Variants in AGMO observed in about 807,000 individuals in gnomAD.
AGMO encodes glyceryl-ether monooxygenase.
A neutral mutation model predicts 60.2 loss-of-function variants in AGMO; 75 were observed. That is an observed-to-expected ratio of 1.25 (90% CI 1.03 to 1.51). The LOEUF (loss-of-function observed/expected upper bound fraction) is 1.51. Among genes scored for constraint, AGMO ranks in the 40% most tolerant of loss-of-function variants. The pLI is 0.00. For missense variants in AGMO, 763 were observed against 525.5 expected (o/e 1.45, Z -4.42); for synonymous variants, 261 against 177.1 (o/e 1.47, Z -3.76).
At chr7:15,142,308 A>T in the AGMO span, among the ~76,000 whole-genome samples, 2 of 152,168 alleles carry the variant, frequency 1.3e-5, no homozygotes, top group African/African-American at 4.8e-5. Flanking sequence ...TTATCTTTCA[A>T]GGTCCAAGTG....
chr7:15,493,565 C>T (rs1006726238), intron 3 of AGMO, among the ~76,000 whole-genome samples: 4 of 151,314 alleles, frequency 2.6e-5, no homozygotes, highest in Admixed American at 6.6e-5. Flanking sequence ...TTAGTAGAGA[C>T]GGGGTTTCAC....
intron 12 of AGMO, among the ~76,000 whole-genome samples, chr7:15,322,445 A>AATATATATATAAATATATATAAATAT (rs1781137634): frequency 9.2e-6 from 1 of 109,284 alleles, no homozygotes; most frequent in Non-Finnish European, 1.8e-5. Context: ...TATATATATA[A>AATATATATATAAATATATATAAATAT]ATATATATAT....
chr7:15,303,569 G>A lies in AGMO; in HGVS notation c.1263+61945C>T, dbSNP rs77020625. 7.3e-3 allele frequency among the ~76,000 whole-genome samples: 1,110 copies of A among 152,168 alleles called. 17 individuals carry two copies. The highest frequency in any genetic ancestry group is 0.026 in the African/African-American group (1,064 of 41,554). ...ATGTAAGTGATCTTGCTTGACCTGTGACGCGAGCATGGGGATGACCTCGGC... is the reference window on the plus strand; with the variant it reads ...ATGTAAGTGATCTTGCTTGACCTGTAACGCGAGCATGGGGATGACCTCGGC... On this transcript the variant is annotated intron_variant, in intron 12 of 12. Coordinates refer to ENST00000342526, the MANE Select transcript of AGMO (RefSeq NM_001004320.2).
At chr7:15,195,459 C>T (rs1010782968), downstream of AGMO, among the ~76,000 whole-genome samples, 3 of 152,306 alleles carry the variant, frequency 2.0e-5, no homozygotes, top group African/African-American at 7.2e-5. Flanking sequence ...CCAGGTGTGA[C>T]GCTTACATAG....
intron 6 of AGMO, among the ~76,000 whole-genome samples, chr7:15,393,611 T>G (rs922298401): frequency 2.0e-5 from 3 of 152,342 alleles, no homozygotes; most frequent in Admixed American, 1.3e-4. Flanking sequence ...CGTTAGGCAC[T>G]TGTCACTTGG....
Position 15,298,307 on chromosome 7 carries a change from T to A in AGMO, c.1263+67207A>T, listed in dbSNP as rs1784461681. On this transcript the variant is annotated intron_variant, in intron 12 of 12. Coordinates refer to ENST00000342526, the MANE Select transcript of AGMO (RefSeq NM_001004320.2). Reference sequence around the variant, plus strand: ...TCAGCTTTCTCCCGTCTTAATCATTTGCCTTCATACCACTTCAATCATTCA... The same window carrying A: ...TCAGCTTTCTCCCGTCTTAATCATTAGCCTTCATACCACTTCAATCATTCA... Among the ~76,000 whole-genome samples the A allele has an allele frequency of 3.3e-5, 5 of 152,180 alleles. No homozygotes were observed. In the South Asian group the frequency reaches 1.0e-3, roughly 32 times the overall value.
chr7:15,208,089 G>T (rs1276890325), intron 12 of AGMO, among the ~76,000 whole-genome samples: 1 of 152,194 alleles, frequency 6.6e-6, no homozygotes, highest in Non-Finnish European at 1.5e-5. Flanking sequence ...TATAAATAAT[G>T]AATATATTCA....
chr7:15,323,031 T>C (rs1424940749), intron 12 of AGMO, among the ~76,000 whole-genome samples: 1 of 151,202 alleles, frequency 6.6e-6, no homozygotes, highest in Non-Finnish European at 1.5e-5. Flanking sequence ...TGTAGGTCGT[T>C]ATGTACACAA....
intron 12 of AGMO, among the ~76,000 whole-genome samples, chr7:15,350,832 A>G (rs1409700978): frequency 1.3e-5 from 2 of 152,208 alleles, no homozygotes; most frequent in Admixed American, 1.3e-4. Flanking sequence ...AGTTTGGCTT[A>G]CCAATAATGT....
the AGMO span, among the ~76,000 whole-genome samples, chr7:15,167,405 CAAT>C: frequency 2.0e-5 from 3 of 152,028 alleles, no homozygotes; most frequent in Admixed American, 2.0e-4. Context: ...GACTTATATT[CAAT>C]AATAATAAGT....
chr7:15,310,662 G>A (rs1250376511), intron 12 of AGMO, among the ~76,000 whole-genome samples: 1 of 151,942 alleles, frequency 6.6e-6, no homozygotes. Flanking sequence ...TTCTATTTCT[G>A]GTAAGGCAGA....
intron 10 of AGMO, among the ~76,000 whole-genome samples, chr7:15,379,872 ATG>A (rs1783606618): frequency 1.3e-5 from 2 of 152,174 alleles, no homozygotes; most frequent in Non-Finnish European, 2.9e-5. Context: ...AAATCAGTCA[ATG>A]TGATTCATTA....
At chr7:15,199,642 A>G (rs899983421), downstream of AGMO, among the ~76,000 whole-genome samples, 1 of 152,136 alleles carries the variant, frequency 6.6e-6, no homozygotes, top group African/African-American at 2.4e-5. Context: ...TTTATGCCTT[A>G]AATTTCCTAA....
At chr7:15,424,679 A>AGG (rs1375261255) in intron 4 of AGMO, among the ~76,000 whole-genome samples, 3 of 152,192 alleles carry the variant, frequency 2.0e-5, no homozygotes, top group Non-Finnish European at 4.4e-5. Context: ...TCTTTAATGG[A>AGG]CATAAACTTT....
intron 3 of AGMO, among the ~76,000 whole-genome samples, chr7:15,506,336 T>C (rs954281089): frequency 6.6e-6 from 1 of 152,032 alleles, no homozygotes; most frequent in African/African-American, 2.4e-5. Context: ...TGGCTCGAGT[T>C]ACACAGATTC....
intron 10 of AGMO, among the ~76,000 whole-genome samples, chr7:15,383,999 G>A (rs992839710): frequency 2.6e-5 from 4 of 151,834 alleles, no homozygotes; most frequent in Admixed American, 6.6e-5. Context: ...GCAGTGGCGC[G>A]ATCTCGGCTC....
At chr7:15,252,480 G>C (rs1156630843) in intron 12 of AGMO, among the ~76,000 whole-genome samples, 1 of 152,192 alleles carries the variant, frequency 6.6e-6, no homozygotes, top group Non-Finnish European at 1.5e-5. Context: ...TTTGAGGAAA[G>C]TGGCTATTTA....
At chr7:15,253,889 T>C (rs1783019462) in intron 12 of AGMO, among the ~76,000 whole-genome samples, 2 of 152,150 alleles carry the variant, frequency 1.3e-5, no homozygotes, top group Non-Finnish European at 2.9e-5. Flanking sequence ...ACCATTATTC[T>C]GTTTTCAATT....
chr7:15,198,196 CGAGA>C (rs748392069), downstream of AGMO, among the ~76,000 whole-genome samples: 1,805 of 77,080 alleles, frequency 0.023, 19 homozygotes, highest in East Asian at 0.044. Flanking sequence ...AGGGCTTTCC[CGAGA>C]GAGAGAGAGA....
Sources: allele counts gnomAD v4.1 joint callset (sites outside exome capture counted in the v4.1 genomes callset), GRCh38; gene constraint gnomAD v4.1.1; transcripts MANE v1.5; gene names NCBI Gene and HGNC (gene_info 2026-07-23, HGNC 2026-07-21).